The following SLC24A3 variants were observed in gnomAD, a reference collection of about 807,000 sequenced individuals.
The protein encoded by SLC24A3 is solute carrier family 24 member 3.
A neutral mutation model predicts 75.8 loss-of-function variants in SLC24A3; 28 were observed. That is an observed-to-expected ratio of 0.37 (90% CI 0.27 to 0.51). The LOEUF (loss-of-function observed/expected upper bound fraction) is 0.51, where lower values mean the gene tolerates loss of function less well. Among genes scored for constraint, SLC24A3 ranks in the 20% least tolerant of loss-of-function variants. The pLI, the probability that SLC24A3 is intolerant of heterozygous loss-of-function variation, is 0.94. For synonymous variants in SLC24A3, 372 were observed against 334.1 expected, an observed-to-expected ratio of 1.11 and a Z score of -1.24; for missense variants, 663 against 847.8, an observed-to-expected ratio of 0.78 and a Z score of 2.71.
rs779195943 is a variant in SLC24A3 at position 19,237,915 on chromosome 20, C to T, written c.142+24931C>T. Among the ~76,000 whole-genome samples the T allele has an allele frequency of 1.0e-3, 155 of 152,254 alleles. 1 individual carries two copies. Among genetic ancestry groups the T allele is most frequent in the Non-Finnish European group, 1.5e-3 (105 of 68,012 alleles). On this transcript the variant is annotated intron_variant, in intron 1 of 16. Coordinates refer to ENST00000328041, the MANE Select transcript of SLC24A3 (RefSeq NM_020689.4). The stretch of plus-strand genomic sequence containing the variant: ...TCAGTCGATTTTACGGGTGCCTGAG[C>T]GGCTGTAACATTTTCCTGCTGCCTT...
chr20:19,629,313 G>A (rs1002541936), intron 6 of SLC24A3, among the ~76,000 whole-genome samples: 8 of 152,110 alleles, frequency 5.3e-5, no homozygotes, highest in Admixed American at 2.6e-4. Flanking sequence ...GCAAAAGAAA[G>A]AATCAGCAAA....
chr20:19,250,755 C>T (rs1982629701), intron 1 of SLC24A3, among the ~76,000 whole-genome samples: 1 of 152,160 alleles, frequency 6.6e-6, no homozygotes, highest in Admixed American at 6.5e-5. Flanking sequence ...TATAAGGGAG[C>T]TCCCTGGCTC....
chr20:19,669,597 G>A lies in SLC24A3; in HGVS notation c.713+3708G>A, dbSNP rs866855202. On this transcript the variant is annotated intron_variant, in intron 8 of 16. Transcript: ENST00000328041. ...CCCGTGTTGTTGCCAGAAGGAATTC[G>A]GAATGTGTCTTCAGGGAGTCTGAAG... is the stretch of plus-strand genomic sequence containing the variant. 1.1e-4 allele frequency among the ~76,000 whole-genome samples: 16 copies of A among 152,260 alleles called. No homozygotes were observed. The Middle Eastern group carries it at 0.01, about 97-fold the overall frequency.
At chr20:19,521,168 C>G (rs1175657883) in intron 3 of SLC24A3, among the ~76,000 whole-genome samples, 1 of 152,168 alleles carries the variant, frequency 6.6e-6, no homozygotes, top group African/African-American at 2.4e-5. Context: ...AATCCTTATT[C>G]TCTCAGAAGA....
intron 14 of SLC24A3, among the ~76,000 whole-genome samples, chr20:19,698,252 C>G (rs1360702071): frequency 6.6e-6 from 1 of 152,220 alleles, no homozygotes; most frequent in Non-Finnish European, 1.5e-5. Flanking sequence ...AGCCTCACCT[C>G]CAACACTGGG....
intron 6 of SLC24A3, among the ~76,000 whole-genome samples, chr20:19,652,262 T>A (rs1280841345): frequency 6.6e-6 from 1 of 152,218 alleles, no homozygotes. Flanking sequence ...ACGGTAATGG[T>A]ATGTACTCAA....
At chr20:19,482,435 G>T (rs1988070473) in intron 2 of SLC24A3, among the ~76,000 whole-genome samples, 2 of 152,026 alleles carry the variant, frequency 1.3e-5, no homozygotes, top group African/African-American at 4.8e-5. Context: ...GTAGGCCAAG[G>T]GAATCACAGC....
At chr20:19,668,125 A>G (rs148997451) in intron 8 of SLC24A3, among the ~76,000 whole-genome samples, 2 of 152,312 alleles carry the variant, frequency 1.3e-5, no homozygotes, top group Non-Finnish European at 2.9e-5. Context: ...TTCTTCCCAG[A>G]GCACTGGCCT....
chr20:19,397,481 G>C (rs1434007313), intron 2 of SLC24A3, among the ~76,000 whole-genome samples: 1 of 152,138 alleles, frequency 6.6e-6, no homozygotes, highest in Non-Finnish European at 1.5e-5. Context: ...TTCAAACTTT[G>C]AAGGAAAACA....
intron 2 of SLC24A3, among the ~76,000 whole-genome samples, chr20:19,305,127 C>T (rs189062100): frequency 4.5e-4 from 69 of 152,210 alleles, no homozygotes; most frequent in African/African-American, 1.6e-3. Context: ...GGATGAGTGG[C>T]TTTTGGATGT....
At chr20:19,320,720 T>G (rs989963345) in intron 2 of SLC24A3, among the ~76,000 whole-genome samples, 11 of 152,160 alleles carry the variant, frequency 7.2e-5, no homozygotes, top group Non-Finnish European at 4.4e-5. Context: ...GATCCTCCCA[T>G]ATGCTTTAAG....
chr20:19,580,306 C>G (rs535474065), intron 4 of SLC24A3, among the ~76,000 whole-genome samples: 1 of 152,086 alleles, frequency 6.6e-6, no homozygotes, highest in African/African-American at 2.4e-5. Flanking sequence ...CCCACAGGAC[C>G]AACCTCCCCA....
At chr20:19,253,459 C>T (rs1982722451) in intron 1 of SLC24A3, among the ~76,000 whole-genome samples, 1 of 152,248 alleles carries the variant, frequency 6.6e-6, no homozygotes, top group Non-Finnish European at 1.5e-5. Flanking sequence ...ATCCTCTAGA[C>T]TTCCCCAACC....
intron 2 of SLC24A3, among the ~76,000 whole-genome samples, chr20:19,508,920 T>G (rs1988498474): frequency 6.6e-6 from 1 of 152,218 alleles, no homozygotes; most frequent in Non-Finnish European, 1.5e-5. Context: ...TTTATGCAGC[T>G]CTCATGGACT....
chr20:19,273,746 G>A (rs1983397752), intron 1 of SLC24A3, among the ~76,000 whole-genome samples: 1 of 151,948 alleles, frequency 6.6e-6, no homozygotes, highest in African/African-American at 2.4e-5. Context: ...GCCACAGGAG[G>A]CCATAGGTTC....
At chr20:19,637,136 T>TAA (rs35114088) in intron 6 of SLC24A3, among the ~76,000 whole-genome samples, 6 of 151,968 alleles carry the variant, frequency 3.9e-5, no homozygotes, top group Admixed American at 6.6e-5. Flanking sequence ...CCGTCTCTAC[T>TAA]AAAAAAATAC....
intron 2 of SLC24A3, among the ~76,000 whole-genome samples, chr20:19,351,822 C>G (rs1985572832): frequency 6.6e-6 from 1 of 152,126 alleles, no homozygotes; most frequent in Non-Finnish European, 1.5e-5. Flanking sequence ...TAGAAAATGC[C>G]TTCATCTGGG....
At chr20:19,638,319 C>T (rs2032026322) in intron 6 of SLC24A3, among the ~76,000 whole-genome samples, 1 of 152,114 alleles carries the variant, frequency 6.6e-6, no homozygotes, top group Admixed American at 6.6e-5. Flanking sequence ...AACTAAAAGA[C>T]TCCAAAATGA....
intron 2 of SLC24A3, among the ~76,000 whole-genome samples, chr20:19,296,931 T>C (rs1343340980): frequency 6.6e-6 from 1 of 152,230 alleles, no homozygotes; most frequent in Admixed American, 6.5e-5. Flanking sequence ...CAAATATTTT[T>C]TATCCACAAT....
Sources: allele counts gnomAD v4.1 joint callset (sites outside exome capture counted in the v4.1 genomes callset), GRCh38; gene constraint gnomAD v4.1.1; transcripts MANE v1.5; gene names NCBI Gene and HGNC (gene_info 2026-07-23, HGNC 2026-07-21).